Variants in SCML2 observed in about 807,000 individuals in gnomAD.
SCML2 encodes the protein sex comb on midleg-like protein 2.
A neutral mutation model predicts 48.4 loss-of-function variants in SCML2; 6 were observed. The ratio of observed to expected loss-of-function variants is 0.12; its 90% CI spans 0.07 to 0.24. The LOEUF is 0.24. SCML2 is among the 10% of genes least tolerant of loss of function. The pLI is 1.00. For synonymous variants in SCML2, 181 were observed against 189.5 expected, an observed-to-expected ratio of 0.95 and a Z score of 0.37; for missense variants, 377 against 528.2, an observed-to-expected ratio of 0.71 and a Z score of 2.81.
intron 1 of SCML2, among the ~76,000 whole-genome samples, chrX:18,343,218 T>C (rs927929476): frequency 3.7e-5 from 4 of 107,615 alleles, no homozygotes; most frequent in African/African-American, 1.4e-4. Flanking sequence ...AAGCTACACC[T>C]TGAGTCTCTA....
intron 11 of SCML2, among the ~76,000 whole-genome samples, chrX:18,251,403 G>A (rs1204942385): frequency 3.7e-5 from 4 of 106,693 alleles, no homozygotes; most frequent in Non-Finnish European, 7.7e-5. Flanking sequence ...ACCTCATATA[G>A]GACTTGTATC....
In SCML2 at chrX:18,255,371, G is replaced by A. The variant is rs756699238; in HGVS notation, c.1456+1477C>T. Among the ~76,000 whole-genome samples, 8 of 112,149 alleles carry A rather than the reference G, an allele frequency of 7.1e-5. No individual in the cohort carries two copies. In the South Asian group the frequency reaches 1.1e-3, roughly 16 times the overall value. On this transcript the variant is annotated intron_variant, in intron 11 of 14. Transcript: ENST00000251900. ...CAGGAACTGAATTAAAATGTAGGCC[G>A]GTCAGACTTTATACTCTTTCAGCAG...
chrX:18,306,696 T>C (rs997360283), intron 6 of SCML2, among the ~76,000 whole-genome samples: 1 of 111,416 alleles, frequency 9.0e-6, no homozygotes, highest in African/African-American at 3.3e-5. Context: ...ATCTGGTAGG[T>C]TGGTTTCTTT....
At chrX:18,304,911 C>A in intron 7 of SCML2, 61 bp downstream of exon 7, 1 of 1,146,029 alleles carries the variant, frequency 8.7e-7, no homozygotes, top group Non-Finnish European at 1.2e-6. Context: ...ACAATGCCAC[C>A]AATGACAGTT....
intron 5 of SCML2, among the ~76,000 whole-genome samples, chrX:18,322,616 G>A (rs952349294): frequency 6.3e-5 from 7 of 111,847 alleles, no homozygotes; most frequent in South Asian, 3.7e-4. Flanking sequence ...TATTTTAGCC[G>A]GGCACAGTGG....
intron 1 of SCML2, among the ~76,000 whole-genome samples, chrX:18,347,044 C>T (rs760255291): frequency 8.9e-6 from 1 of 112,046 alleles, no homozygotes; most frequent in East Asian, 2.8e-4. Context: ...AATCAAATGT[C>T]ACATTTTCTG....
intron 13 of SCML2, among the ~76,000 whole-genome samples, 175 bp downstream of exon 13, chrX:18,246,402 G>A (rs1361765967): frequency 8.9e-6 from 1 of 112,230 alleles, no homozygotes; most frequent in Non-Finnish European, 1.9e-5. Flanking sequence ...GTTCTGTGCT[G>A]TCAAGAGGAT....
intron 7 of SCML2, among the ~76,000 whole-genome samples, chrX:18,282,531 G>A (rs1043592946): frequency 2.7e-5 from 3 of 111,023 alleles, no homozygotes; most frequent in Non-Finnish European, 5.7e-5. Flanking sequence ...CCAGCTACTT[G>A]TGGGGCTGAG....
At chrX:18,309,223 C>T (rs1352546787) in intron 6 of SCML2, among the ~76,000 whole-genome samples, 1 of 103,202 alleles carries the variant, frequency 9.7e-6, no homozygotes, top group Non-Finnish European at 2.0e-5. Context: ...AAAAAACCCA[C>T]AATGAGATAC....
chrX:18,288,223 C>CA (rs748922921), intron 7 of SCML2, among the ~76,000 whole-genome samples: 7 of 110,451 alleles, frequency 6.3e-5, no homozygotes, highest in South Asian at 3.8e-4. Context: ...CTACAATTTC[C>CA]AAAAAAACAC....
At chrX:18,253,958 A>G (rs1402074443) in intron 11 of SCML2, among the ~76,000 whole-genome samples, 2 of 112,002 alleles carry the variant, frequency 1.8e-5, no homozygotes, top group East Asian at 5.6e-4. Flanking sequence ...GGCAAAAGTA[A>G]TATATGGTAC....
intron 1 of SCML2, among the ~76,000 whole-genome samples, chrX:18,338,919 TA>T (rs374703842): frequency 0.01 from 788 of 76,288 alleles, 2 homozygotes; most frequent in Middle Eastern, 0.014. Context: ...CCTGTCTCAT[TA>T]AAAAAAAAAA....
At chrX:18,275,413 CT>C (rs1236510992) in intron 7 of SCML2, among the ~76,000 whole-genome samples, 3 of 112,611 alleles carry the variant, frequency 2.7e-5, no homozygotes, top group Non-Finnish European at 3.7e-5. Flanking sequence ...ACTACCAGCT[CT>C]GTAAAATTCT....
intron 1 of SCML2, among the ~76,000 whole-genome samples, chrX:18,334,737 G>A (rs1341348791): frequency 1.8e-5 from 2 of 111,990 alleles, no homozygotes; most frequent in Non-Finnish European, 3.8e-5. Context: ...CAAGACCCCA[G>A]TCTAGTCAGA....
intron 1 of SCML2, among the ~76,000 whole-genome samples, chrX:18,353,264 T>C (rs1185130985): frequency 8.9e-6 from 1 of 112,278 alleles, no homozygotes; most frequent in Non-Finnish European, 1.9e-5. Flanking sequence ...TCCCTCGCTG[T>C]TATTGAAAAG....
intron 6 of SCML2, among the ~76,000 whole-genome samples, chrX:18,317,847 A>AG (rs1348848756): frequency 3.7e-4 from 40 of 109,161 alleles, no homozygotes; most frequent in Non-Finnish European, 6.9e-4. Flanking sequence ...AAAAAAAAAA[A>AG]AAAAAAGAAA....
At chrX:18,334,328 A>G (rs781613282) in intron 1 of SCML2, among the ~76,000 whole-genome samples, 1 of 112,379 alleles carries the variant, frequency 8.9e-6, no homozygotes, top group Admixed American at 9.5e-5. Flanking sequence ...GTGTCCTAGA[A>G]TTAGATAGTG....
At chrX:18,327,172 C>T (rs953991369) in intron 3 of SCML2, among the ~76,000 whole-genome samples, 1 of 110,087 alleles carries the variant, frequency 9.1e-6, no homozygotes, top group Middle Eastern at 4.2e-3. Context: ...GAGTTCCAGA[C>T]CAGCCTGGCC....
chrX:18,353,593 G>A (rs1023605095), intron 1 of SCML2, among the ~76,000 whole-genome samples: 4 of 112,728 alleles, frequency 3.5e-5, no homozygotes, highest in African/African-American at 1.3e-4. Context: ...TTACAAACAA[G>A]AAGCAAATTT....
Sources: gnomAD v4.1 joint callset for allele counts (sites outside exome capture counted in the v4.1 genomes callset) on GRCh38, gnomAD v4.1.1 for gene constraint, MANE v1.5 for transcripts, NCBI Gene and HGNC (gene_info 2026-07-23, HGNC 2026-07-21) for gene names.